The following PACRGL variants were observed in gnomAD, a reference collection of about 807,000 sequenced individuals.
PACRGL encodes the protein parkin coregulated like.
Under a neutral mutation model 34.5 loss-of-function variants are expected in PACRGL, and 38 were observed. That is an observed-to-expected ratio of 1.10 (90% CI 0.85 to 1.44). The LOEUF is 1.44. Ranked by LOEUF, PACRGL falls within the 40% of genes most tolerant of loss-of-function variation. The pLI, the probability that PACRGL is intolerant of heterozygous loss-of-function variation, is 0.00. For synonymous variants in PACRGL, 128 were observed against 100.1 expected (o/e 1.28, Z -1.66); for missense variants, 305 against 281.4 (o/e 1.08, Z -0.60).
downstream of PACRGL, among the ~76,000 whole-genome samples, chr4:20,735,530 G>GTTT (rs10542507): frequency 5.5e-5 from 6 of 109,714 alleles, no homozygotes; most frequent in Non-Finnish European, 9.0e-5. Flanking sequence ...TTTTTTTTTT[G>GTTT]TTTTTTTTTT....
intron 3 of PACRGL, among the ~76,000 whole-genome samples, chr4:20,705,491 CAGA>C (rs1047621271): frequency 6.6e-6 from 1 of 152,064 alleles, no homozygotes; most frequent in Admixed American, 6.5e-5. Flanking sequence ...CTCTCCAAGA[CAGA>C]AGGAGTGTCC....
chr4:20,721,207 A>T (rs1742971067), intron 7 of PACRGL, among the ~76,000 whole-genome samples: 2 of 152,052 alleles, frequency 1.3e-5, no homozygotes, highest in South Asian at 4.1e-4. Context: ...TACACTGGTT[A>T]TTCTAGTTAG....
At position 20,727,493 on chromosome 4, in the gene PACRGL, CAACAAAAAAG is replaced by C; in HGVS notation, c.*157_*166del. On this transcript the variant is annotated 3_prime_UTR_variant, in exon 9 of 9. Coordinates refer to ENST00000503585, the MANE Select transcript of PACRGL (RefSeq NM_001258345.3). ...TAGACACTGAATCAAAGTTATTCAT[CAACAAAAAAG>C]AACAGTTACTAATGGAAAGTTATTA... 1.7e-6 allele frequency: 1 copy of C among 573,916 alleles called. No individual in the cohort carries two copies. Among genetic ancestry groups the C allele is most frequent in the South Asian group, 3.2e-5 (1 of 31,402 alleles). 35.6% of individuals were successfully genotyped at this position (573,916 alleles called of 1,614,324 possible).
At chr4:20,757,237 A>G (rs777823802), downstream of PACRGL, among the ~76,000 whole-genome samples, 1 of 152,070 alleles carries the variant, frequency 6.6e-6, no homozygotes, top group African/African-American at 2.4e-5. Flanking sequence ...ATATGTCTGT[A>G]ATCTGTCCCC....
chr4:20,751,881 A>G (rs1369508068), intron 8 of PACRGL, among the ~76,000 whole-genome samples: 1 of 152,118 alleles, frequency 6.6e-6, no homozygotes, highest in South Asian at 2.1e-4. Context: ...TTCCCAGTCT[A>G]GACAATCTAT....
intron 8 of PACRGL, among the ~76,000 whole-genome samples, chr4:20,741,809 T>C (rs1466603122): frequency 6.6e-6 from 1 of 151,782 alleles, no homozygotes; most frequent in Non-Finnish European, 1.5e-5. Context: ...TCAACAAAAT[T>C]GATAGACTGC....
At chr4:20,758,932 T>C in the PACRGL span, 4 of 1,546,490 alleles carry the variant, frequency 2.6e-6, no homozygotes, top group Middle Eastern at 1.7e-4. Context: ...AAAGTGTTCA[T>C]AAAACTGAAT....
chr4:20,734,152 C>T (rs1288643833), downstream of PACRGL, among the ~76,000 whole-genome samples: 1 of 152,150 alleles, frequency 6.6e-6, no homozygotes, highest in Non-Finnish European at 1.5e-5. Context: ...CTGTGTAATA[C>T]GAGTATCTTA....
chr4:20,716,293 GT>G, intron 7 of PACRGL: 2 of 594,652 alleles, frequency 3.4e-6, no homozygotes, highest in Non-Finnish European at 5.9e-6. Context: ...CAGTCATGGA[GT>G]TTTCAGTTTT....
chr4:20,766,301 G>A, the PACRGL span, among the ~76,000 whole-genome samples: 1 of 152,078 alleles, frequency 6.6e-6, no homozygotes, highest in Non-Finnish European at 1.5e-5. Context: ...AGGCACGGTG[G>A]GTCATGCCTG....
At chr4:20,714,254 G>T (rs915511381) in intron 7 of PACRGL, among the ~76,000 whole-genome samples, 2 of 152,058 alleles carry the variant, frequency 1.3e-5, no homozygotes, top group African/African-American at 4.8e-5. Context: ...ATTATGTAAT[G>T]GCCTTCTTTG....
rs1418217853 is a variant in PACRGL at position 20,729,429 on chromosome 4, A to G, written c.*2088A>G. ...TATTATGGAAAATTAAATGCTTATT[A>G]AAATAAGTTTTATTAGGCATATGCT... On this transcript the variant is annotated 3_prime_UTR_variant, in exon 9 of 9. Transcript: ENST00000503585. The G allele has an allele frequency of 1.3e-5, 2 of 151,814 alleles. No individual in the cohort carries two copies. The highest frequency in any genetic ancestry group is 4.8e-5 in the African/African-American group (2 of 41,350). 9.4% of individuals were successfully genotyped at this position (151,814 alleles called of 1,614,324 possible). A position where few individuals can be genotyped will look rare whatever the true frequency, so the allele number is the denominator to read the frequency against.
chr4:20,725,010 A>T (rs537709219), intron 8 of PACRGL, 122 bp downstream of exon 8: 76 of 550,048 alleles, frequency 1.4e-4, no homozygotes, highest in Non-Finnish European at 1.9e-4. Flanking sequence ...TGTGAAATTG[A>T]TGCTGTTATT....
chr4:20,738,212 G>C (rs1750168730), intron 8 of PACRGL, among the ~76,000 whole-genome samples: 1 of 152,068 alleles, frequency 6.6e-6, no homozygotes, highest in African/African-American at 2.4e-5. Context: ...AAGGAAGATT[G>C]CTGAGCAGTT....
At chr4:20,714,042 C>T (rs1738593026) in intron 7 of PACRGL, among the ~76,000 whole-genome samples, 1 of 152,046 alleles carries the variant, frequency 6.6e-6, no homozygotes, top group Non-Finnish European at 1.5e-5. Flanking sequence ...AGTTCAATTC[C>T]TGGGTATCCT....
At position 20,729,745 on chromosome 4, in the gene PACRGL, A is replaced by ACACTGATATTTTAAAAT. The variant is rs376197356; in HGVS notation, c.*2414_*2430dup. The ACACTGATATTTTAAAAT allele has an allele frequency of 3.9e-5, 8 of 203,412 alleles. No individual in the cohort carries two copies. The highest frequency in any genetic ancestry group is 1.8e-4 in the African/African-American group (8 of 43,562). 12.6% of individuals were successfully genotyped at this position (203,412 alleles called of 1,614,324 possible). ...AATACATACAAATGAGTAGCAAAAA[A>ACACTGATATTTTAAAAT]CACTGATATTTTAAAATCACTGATA... On this transcript the variant is annotated 3_prime_UTR_variant, in exon 9 of 9. Coordinates refer to ENST00000503585, the MANE Select transcript of PACRGL (RefSeq NM_001258345.3).
At position 20,745,421 on chromosome 4, in the gene PACRGL, T is replaced by C. The variant is rs578184418; in HGVS notation, c.*57-7144T>C. 3.9e-5 allele frequency among the ~76,000 whole-genome samples: 6 copies of C among 152,312 alleles called. No homozygotes were observed. The East Asian group carries it at 5.8e-4, about 15-fold the overall frequency. On this transcript the variant is annotated intron_variant, in intron 8 of 8. Transcript: ENST00000507634. ...AGAGTTACTCAAAACAGGAATGATA[T>C]CTTTTCGTGCAAAAGAAAAATGAGA...
chr4:20,712,183 TTTA>T (rs1737586836), intron 5 of PACRGL, among the ~76,000 whole-genome samples: 1 of 151,880 alleles, frequency 6.6e-6, no homozygotes, highest in African/African-American at 2.4e-5. Context: ...TCCTTCCTAT[TTTA>T]TTTTCTCTTT....
At chr4:20,735,672 G>A (rs1016900500), downstream of PACRGL, among the ~76,000 whole-genome samples, 1 of 151,930 alleles carries the variant, frequency 6.6e-6, no homozygotes, top group African/African-American at 2.4e-5. Flanking sequence ...GAGTAGCTGG[G>A]ACTACAGGCA....
Sources: allele counts gnomAD v4.1 joint callset (sites outside exome capture counted in the v4.1 genomes callset), GRCh38; gene constraint gnomAD v4.1.1; transcripts MANE v1.5; gene names NCBI Gene and HGNC (gene_info 2026-07-23, HGNC 2026-07-21).